EXOC1: variants seen among roughly 807,000 people sequenced by gnomAD.
EXOC1 encodes the protein exocyst complex component 1.
In EXOC1, 67 loss-of-function variants were observed where a neutral mutation model predicts 107.7. That is an observed-to-expected ratio of 0.62 (90% CI 0.51 to 0.76). The LOEUF is 0.76. Among genes scored for constraint, EXOC1 ranks in the 30% least tolerant of loss-of-function variants. The probability of loss-of-function intolerance (pLI) is 0.00; values close to 1 mark genes in which losing one functional copy is unlikely to be tolerated. For synonymous variants in EXOC1, 348 were observed against 353.5 expected (o/e 0.98, Z 0.17); for missense variants, 833 against 1,055.7 (o/e 0.79, Z 2.92).
At chr4:55,882,159 T>A (rs906085727) in intron 9 of EXOC1, among the ~76,000 whole-genome samples, 1 of 152,166 alleles carries the variant, frequency 6.6e-6, no homozygotes, top group African/African-American at 2.4e-5. Context: ...TTTGTTTTTT[T>A]AGGCAGGGTC....
Position 55,896,866 on chromosome 4 carries a change from A to G in EXOC1, c.2103A>G (p.Ala701=), listed in dbSNP as rs1725263477. ...AGCGTCGTGGAGACCTGGATAAAGC[A>G]TACACCAAACTTATCAGAGGAGTAT... is the stretch of plus-strand genomic sequence containing the variant. ...NAERRGDLDK[A]YTKLIRGVFV... is the part of the protein sequence containing the mutation. Residue 701 remains alanine, a synonymous_variant, in exon 16 of 19, where the codon GCA becomes GCG. Coordinates refer to ENST00000381295, the MANE Select transcript of EXOC1 (RefSeq NM_001024924.2). 14 of 1,607,006 alleles carry G rather than the reference A, an allele frequency of 8.7e-6. No homozygotes were observed. The highest frequency in any genetic ancestry group is 1.3e-5 in the African/African-American group (1 of 74,368).
At chr4:55,860,802 G>A (rs1056446262) in intron 3 of EXOC1, among the ~76,000 whole-genome samples, 1 of 151,894 alleles carries the variant, frequency 6.6e-6, no homozygotes, top group Non-Finnish European at 1.5e-5. Flanking sequence ...TTAAAGTGGT[G>A]TGTCATGAGT....
intron 5 of EXOC1, among the ~76,000 whole-genome samples, chr4:55,870,325 T>A (rs1722310005): frequency 6.6e-6 from 1 of 152,276 alleles, no homozygotes; most frequent in Non-Finnish European, 1.5e-5. Context: ...CATGGCCTAA[T>A]GCCTCCTAAA....
intron 9 of EXOC1, among the ~76,000 whole-genome samples, chr4:55,879,931 A>G (rs1723233983): frequency 6.6e-6 from 1 of 152,122 alleles, no homozygotes; most frequent in South Asian, 2.1e-4. Context: ...GCCCTAAAAG[A>G]TGTTCTAGAA....
At chr4:55,866,748 C>CT (rs1356112810) in intron 4 of EXOC1, 15 of 468,604 alleles carry the variant, frequency 3.2e-5, no homozygotes, top group African/African-American at 3.2e-4. Flanking sequence ...GTCTTTTGAA[C>CT]TTTAACATGA....
intron 14 of EXOC1, 34 bp from the exon 15 acceptor site, chr4:55,893,518 A>G (rs1401273261): frequency 2.5e-6 from 4 of 1,582,212 alleles, no homozygotes; most frequent in Non-Finnish European, 3.5e-6. Flanking sequence ...GAAGCTTGTT[A>G]TAACTTTATA....
At chr4:55,875,784 G>A in intron 8 of EXOC1, 1 of 985,302 alleles carries the variant, frequency 1.0e-6, no homozygotes, top group Non-Finnish European at 1.2e-6. Context: ...CATAGTTTAG[G>A]CCAGGCGCAG....
chr4:55,868,222 C>T (rs1339388706), intron 4 of EXOC1, 114 bp from the exon 5 acceptor site: 11 of 710,236 alleles, frequency 1.5e-5, no homozygotes, highest in Non-Finnish European at 2.3e-5. Context: ...ATTCTATCCT[C>T]TTTTTCAGCT....
intron 10 of EXOC1, among the ~76,000 whole-genome samples, chr4:55,884,863 C>T (rs1318403280): frequency 6.6e-6 from 1 of 152,150 alleles, no homozygotes; most frequent in Non-Finnish European, 1.5e-5. Context: ...AGAAGACTGT[C>T]ATTAATGGGT....
At position 55,858,329 on chromosome 4, in the gene EXOC1, A is replaced by G. The variant is rs1379319631; in HGVS notation, c.6A>G (p.Thr2=). The part of the protein sequence containing the change: M[T]AIKHALQRDI... ...CATTTTTCAGCTGAGAAAAGATGAC[A>G]GCAATCAAGCATGCATTACAAAGAG... The change falls in exon 2 of 19, where the codon ACA becomes ACG. Residue 2 remains threonine, a synonymous_variant. Transcript: ENST00000381295. The G allele has an allele frequency of 1.2e-6, 2 of 1,605,284 alleles. No homozygotes were observed. Among genetic ancestry groups the G allele is most frequent in the Non-Finnish European group, 1.7e-6 (2 of 1,176,328 alleles).
intron 1 of EXOC1, among the ~76,000 whole-genome samples, chr4:55,857,141 T>A (rs1406073237): frequency 1.3e-5 from 2 of 151,364 alleles, no homozygotes; most frequent in African/African-American, 2.4e-5. Flanking sequence ...TATTTTAGCA[T>A]GTTTCATTAC....
chr4:55,858,076 T>TTG (rs1163082320), intron 1 of EXOC1, among the ~76,000 whole-genome samples: 45 of 152,022 alleles, frequency 3.0e-4, no homozygotes, highest in Admixed American at 2.6e-3. Context: ...TTCTTAAATC[T>TTG]TGTGTGTGTG....
chr4:55,860,365 T>A, intron 2 of EXOC1, 46 bp from the exon 3 acceptor site: 2 of 1,605,866 alleles, frequency 1.2e-6, no homozygotes, highest in Non-Finnish European at 8.5e-7. Flanking sequence ...GAAGAATGAG[T>A]GAAAGGGGTA....
rs2109534921 is a variant in EXOC1, at chr4:55,905,000, A to G, written c.*505A>G. 6.6e-6 allele frequency: 1 copy of G among 152,390 alleles called. No homozygotes were observed. The highest frequency in any genetic ancestry group is 2.4e-5 in the African/African-American group (1 of 41,576). 9.4% of individuals were successfully genotyped at this position (152,390 alleles called of 1,614,324 possible). On this transcript the variant is annotated 3_prime_UTR_variant, in exon 19 of 19. Coordinates refer to ENST00000381295, the MANE Select transcript of EXOC1 (RefSeq NM_001024924.2). ...ATGTGACTAGTAATAAATGTGAAAT[A>G]AATTTTCAAAAAAGTTGACATTTGA... is the stretch of plus-strand genomic sequence containing the variant.
chr4:55,867,112 T>C (rs1339299328), intron 4 of EXOC1, among the ~76,000 whole-genome samples: 2 of 152,190 alleles, frequency 1.3e-5, no homozygotes, highest in Admixed American at 6.5e-5. Flanking sequence ...AAAATATTTG[T>C]TTAAGTCTAC....
chr4:55,866,821 A>G (rs187805944), intron 4 of EXOC1: 1 of 972,858 alleles, frequency 1.0e-6, no homozygotes, highest in African/African-American at 1.8e-5. Flanking sequence ...CTACCCAGCT[A>G]ATATTCTTTG....
chr4:55,855,292 G>C (rs1378824516), intron 1 of EXOC1, among the ~76,000 whole-genome samples: 1 of 152,192 alleles, frequency 6.6e-6, no homozygotes, highest in African/African-American at 2.4e-5. Context: ...AGTGCGAAAA[G>C]AAAGGAATAA....
intron 10 of EXOC1, among the ~76,000 whole-genome samples, chr4:55,887,099 A>C (rs1393675329): frequency 6.6e-6 from 1 of 152,154 alleles, no homozygotes; most frequent in East Asian, 1.9e-4. Flanking sequence ...ATTTAATGAA[A>C]TGACAGGGAA....
chr4:55,868,262 C>G, intron 4 of EXOC1, 74 bp from the exon 5 acceptor site: 1 of 1,262,066 alleles, frequency 7.9e-7, no homozygotes, highest in Non-Finnish European at 1.1e-6. Context: ...TATAACTATA[C>G]CTACCTATAT....
Sources: allele counts gnomAD v4.1 joint callset (sites outside exome capture counted in the v4.1 genomes callset), GRCh38; gene constraint gnomAD v4.1.1; transcripts MANE v1.5; gene names NCBI Gene and HGNC (gene_info 2026-07-23, HGNC 2026-07-21).